Variants in CTNNA3 observed in about 807,000 individuals in gnomAD.
CTNNA3 encodes the protein catenin alpha 3, also known as catenin alpha-3.
Under a neutral mutation model 95.7 loss-of-function variants are expected in CTNNA3, and 76 were observed. The ratio of observed to expected loss-of-function variants is 0.79; its 90% CI spans 0.66 to 0.96. The LOEUF (loss-of-function observed/expected upper bound fraction) is 0.96. CTNNA3 is among the 40% of genes least tolerant of loss of function. The pLI is 0.00. For missense variants in CTNNA3, 1,191 were observed against 1,089.8 expected (o/e 1.09, Z -1.31); for synonymous variants, 431 against 374.4 (o/e 1.15, Z -1.74).
intron 5 of CTNNA3, among the ~76,000 whole-genome samples, chr10:67,387,600 G>C (rs886231638): frequency 2.0e-5 from 3 of 152,166 alleles, no homozygotes; most frequent in Non-Finnish European, 4.4e-5. Flanking sequence ...CTCCACCTCT[G>C]GGGGCAGGGC....
chr10:66,328,955 AT>A (rs34977992), intron 12 of CTNNA3, among the ~76,000 whole-genome samples: 8,242 of 81,536 alleles, frequency 0.1, 856 homozygotes, highest in African/African-American at 0.27. Context: ...TATAAATATA[AT>A]TTTTTTTTTT....
At chr10:65,925,752 C>T (rs142152540) in intron 17 of CTNNA3, among the ~76,000 whole-genome samples, 26 of 152,154 alleles carry the variant, frequency 1.7e-4, no homozygotes, top group Non-Finnish European at 3.4e-4. Flanking sequence ...TGTAATATAT[C>T]TTTATTCTAT....
At position 66,305,425 on chromosome 10, in the gene CTNNA3, TATTTTCTCA is replaced by T. The variant is rs369725769; in HGVS notation, c.1733-24813_1733-24805del. On this transcript the variant is annotated intron_variant, in intron 12 of 17. Coordinates refer to ENST00000433211, the MANE Select transcript of CTNNA3 (RefSeq NM_013266.4). Reference sequence around the variant, plus strand: ...GAAAAAAAGGTGAAGCAGTCAACCCTATTTTCTCAAGTGGACTCTGCATTTGGCTCATTA... The same window carrying T: ...GAAAAAAAGGTGAAGCAGTCAACCCTAGTGGACTCTGCATTTGGCTCATTA... Among the ~76,000 whole-genome samples the T allele has an allele frequency of 2.0e-3, 298 of 152,312 alleles. 1 individual carries two copies. The highest frequency in any genetic ancestry group is 6.9e-3 in the African/African-American group (286 of 41,578).
intron 7 of CTNNA3, among the ~76,000 whole-genome samples, chr10:66,863,215 A>G (rs1474527721): frequency 1.3e-5 from 2 of 151,288 alleles, no homozygotes; most frequent in Non-Finnish European, 2.9e-5. Context: ...ACACACGCAC[A>G]CACATATATA....
intron 5 of CTNNA3, among the ~76,000 whole-genome samples, chr10:67,231,378 A>T (rs1865201236): frequency 6.6e-6 from 1 of 152,224 alleles, no homozygotes; most frequent in African/African-American, 2.4e-5. Context: ...TTGACCCCAG[A>T]GCAGCCTAAC....
chr10:67,735,756 CA>C (rs1267677654), intron 1 of CTNNA3, among the ~76,000 whole-genome samples: 1 of 152,102 alleles, frequency 6.6e-6, no homozygotes, highest in Non-Finnish European at 1.5e-5. Flanking sequence ...GGTAGTTCCT[CA>C]AAAAGTTAAA....
chr10:67,480,761 T>C (rs1315983852), intron 5 of CTNNA3, among the ~76,000 whole-genome samples: 1 of 152,192 alleles, frequency 6.6e-6, no homozygotes, highest in East Asian at 1.9e-4. Context: ...TGAAGGCTGT[T>C]AGCTCCCTGA....
intron 10 of CTNNA3, among the ~76,000 whole-genome samples, chr10:66,526,847 G>C (rs759637562): frequency 6.6e-6 from 1 of 152,042 alleles, no homozygotes; most frequent in Non-Finnish European, 1.5e-5. Flanking sequence ...ATTAATCTCT[G>C]ATCATATATA....
chr10:67,618,808 T>G (rs1307866477), intron 2 of CTNNA3, among the ~76,000 whole-genome samples: 1 of 152,204 alleles, frequency 6.6e-6, no homozygotes, highest in East Asian at 1.9e-4. Flanking sequence ...TGTATCCACC[T>G]CATTTGTCAG....
chr10:66,796,890 T>C (rs1841215249), intron 7 of CTNNA3, among the ~76,000 whole-genome samples: 1 of 151,960 alleles, frequency 6.6e-6, no homozygotes, highest in Non-Finnish European at 1.5e-5. Context: ...TCCAGCGGAA[T>C]ATCAATGCTT....
At chr10:67,063,410 A>G (rs906646647) in intron 7 of CTNNA3, among the ~76,000 whole-genome samples, 2 of 152,210 alleles carry the variant, frequency 1.3e-5, no homozygotes, top group Non-Finnish European at 2.9e-5. Context: ...AGGGGTCTCA[A>G]TCAGGAGTTA....
At chr10:66,316,868 C>G (rs891528862) in intron 12 of CTNNA3, among the ~76,000 whole-genome samples, 1 of 152,040 alleles carries the variant, frequency 6.6e-6, no homozygotes, top group Non-Finnish European at 1.5e-5. Context: ...AACTTGTTGT[C>G]TAGACCAAAA....
chr10:66,348,164 T>C lies in CTNNA3; in HGVS notation c.1732+30988A>G, dbSNP rs537531137. Among the ~76,000 whole-genome samples, 9 of 152,260 alleles carry C rather than the reference T, an allele frequency of 5.9e-5. No homozygotes were observed. The South Asian group carries it at 1.9e-3, about 32-fold the overall frequency. On this transcript the variant is annotated intron_variant, in intron 12 of 17. Coordinates refer to ENST00000433211, the MANE Select transcript of CTNNA3 (RefSeq NM_013266.4). Reference sequence around the variant, plus strand: ...TTAAGCCTCTTCTCTTCCTGTCTACTCTTTCTTCAGTCTTTCTTGCAAAAA... The same window carrying C: ...TTAAGCCTCTTCTCTTCCTGTCTACCCTTTCTTCAGTCTTTCTTGCAAAAA...
intron 11 of CTNNA3, among the ~76,000 whole-genome samples, chr10:66,417,036 T>A (rs944007533): frequency 6.6e-6 from 1 of 151,938 alleles, no homozygotes; most frequent in Admixed American, 6.6e-5. Flanking sequence ...AAACCTCACA[T>A]ATCAATAATT....
At chr10:66,708,596 G>A (rs1848194145) in intron 9 of CTNNA3, among the ~76,000 whole-genome samples, 2 of 152,032 alleles carry the variant, frequency 1.3e-5, no homozygotes, top group Admixed American at 6.6e-5. Flanking sequence ...TATGAATGAG[G>A]AGGAGGAAGG....
chr10:66,134,411 T>C (rs2083259319), intron 13 of CTNNA3, among the ~76,000 whole-genome samples: 1 of 152,172 alleles, frequency 6.6e-6, no homozygotes, highest in Non-Finnish European at 1.5e-5. Context: ...GTTCATTATT[T>C]GTAGATATTA....
intron 15 of CTNNA3, among the ~76,000 whole-genome samples, chr10:66,037,449 C>T (rs2079589294): frequency 6.6e-6 from 1 of 152,136 alleles, no homozygotes; most frequent in Non-Finnish European, 1.5e-5. Context: ...TCATAGGAAT[C>T]ATAATTCAGC....
At chr10:67,368,972 A>G (rs1843315761) in intron 5 of CTNNA3, among the ~76,000 whole-genome samples, 1 of 152,222 alleles carries the variant, frequency 6.6e-6, no homozygotes, top group Non-Finnish European at 1.5e-5. Flanking sequence ...CCATCGACAT[A>G]TTTCAAAACT....
chr10:66,137,472 T>G (rs2083413332), intron 13 of CTNNA3, among the ~76,000 whole-genome samples: 1 of 151,992 alleles, frequency 6.6e-6, no homozygotes, highest in African/African-American at 2.4e-5. Flanking sequence ...GAATCTCAAT[T>G]ACATACAATG....
Sources: allele counts gnomAD v4.1 joint callset (sites outside exome capture counted in the v4.1 genomes callset), GRCh38; gene constraint gnomAD v4.1.1; transcripts MANE v1.5; gene names NCBI Gene and HGNC (gene_info 2026-07-23, HGNC 2026-07-21).